Variants in ARID5B observed in about 807,000 individuals in gnomAD.
The protein encoded by ARID5B is AT-rich interaction domain 5B, also known as AT-rich interactive domain-containing protein 5B.
ARID5B carries 13 observed loss-of-function variants against 97.2 expected under a neutral mutation model. The ratio of observed to expected loss-of-function variants is 0.13; its 90% CI spans 0.09 to 0.21. ARID5B has a LOEUF of 0.21. ARID5B is among the 10% of genes least tolerant of loss of function. The pLI, the probability that ARID5B is intolerant of heterozygous loss-of-function variation, is 1.00. For synonymous variants in ARID5B, 556 were observed against 570.3 expected (o/e 0.97, Z 0.36); for missense variants, 1,210 against 1,465.3 (o/e 0.83, Z 2.84).
intron 2 of ARID5B, among the ~76,000 whole-genome samples, chr10:61,922,431 T>G (rs1844032767): frequency 6.6e-6 from 1 of 152,190 alleles, no homozygotes; most frequent in South Asian, 2.1e-4. Context: ...GATGAAACCC[T>G]GTCTGTATTA....
At chr10:62,079,705 C>T (rs779812004) in intron 8 of ARID5B, among the ~76,000 whole-genome samples, 32 of 151,708 alleles carry the variant, frequency 2.1e-4, no homozygotes, top group Non-Finnish European at 4.4e-4. Flanking sequence ...ACACACACTC[C>T]GGGACCATGG....
chr10:61,987,835 C>A (rs1400562796), intron 3 of ARID5B, among the ~76,000 whole-genome samples: 2 of 152,176 alleles, frequency 1.3e-5, no homozygotes, highest in African/African-American at 4.8e-5. Flanking sequence ...ACTGGTAACT[C>A]ATGGTATGAA....
chr10:61,943,083 G>A (rs1009961837), intron 3 of ARID5B, among the ~76,000 whole-genome samples: 4 of 152,180 alleles, frequency 2.6e-5, no homozygotes, highest in Admixed American at 2.6e-4. Flanking sequence ...TAATTGGAAT[G>A]CACACTGTGT....
intron 7 of ARID5B, among the ~76,000 whole-genome samples, chr10:62,063,741 C>T (rs1311983907): frequency 6.6e-6 from 1 of 152,212 alleles, no homozygotes; most frequent in Non-Finnish European, 1.5e-5. Context: ...ATGTACCCAA[C>T]TTTTCCTTCC....
Position 62,092,652 on chromosome 10 carries a change from G to A in ARID5B, c.3189G>A (p.Gly1063=). Residue 1063 remains glycine (G), a synonymous_variant, in exon 10 of 10, where the codon GGG becomes GGA. Transcript: ENST00000279873. Reference sequence around the variant, plus strand: ...AAGCAGCGCACGGTGGGCATTCCGGGGGCGGATCAGAAGGCCACAAGCTTC... The same window carrying A: ...AAGCAGCGCACGGTGGGCATTCCGGAGGCGGATCAGAAGGCCACAAGCTTC... ...GSKAAHGGHS[G]GGSEGHKLPL... 6.2e-7 allele frequency: 1 copy of A among 1,614,078 alleles called. No individual in the cohort carries two copies. Among genetic ancestry groups the A allele is most frequent in the South Asian group, 1.1e-5 (1 of 91,076 alleles).
chr10:62,013,855 T>A (rs1839250835), intron 4 of ARID5B, among the ~76,000 whole-genome samples: 2 of 151,154 alleles, frequency 1.3e-5, no homozygotes, highest in Admixed American at 1.3e-4. Context: ...TATATAATAA[T>A]ACATATTTAT....
intron 3 of ARID5B, among the ~76,000 whole-genome samples, chr10:61,955,784 G>A (rs1838383890): frequency 6.6e-6 from 1 of 152,040 alleles, no homozygotes; most frequent in Non-Finnish European, 1.5e-5. Context: ...TTGAGTAGCT[G>A]GGATTACAAG....
Position 62,091,587 on chromosome 10 carries a change from C to T in ARID5B, c.2124C>T (p.Tyr708=), listed in dbSNP as rs772047937. ...QVSGASLSSS[Y]PYGSPPPLIS... ...GTGGGGCCAGCCTCTCCAGCAGCTA[C>T]CCTTATGGCTCCCCACCCCCTTTGA... is the stretch of plus-strand genomic sequence containing the variant. The change falls in exon 10 of 10, where the codon TAC becomes TAT. Residue 708 remains tyrosine, a synonymous_variant. Coordinates refer to ENST00000279873, the MANE Select transcript of ARID5B (RefSeq NM_032199.3). The T allele has an allele frequency of 1.2e-5, 20 of 1,612,844 alleles. No individual in the cohort carries two copies. The highest frequency in any genetic ancestry group is 1.1e-4 in the East Asian group (5 of 44,872).
Position 62,091,778 on chromosome 10 carries a change from T to C in ARID5B, c.2315T>C (p.Ile772Thr). 6.2e-7 allele frequency: 1 copy of C among 1,614,008 alleles called. No homozygotes were observed. Among genetic ancestry groups the C allele is most frequent in the Non-Finnish European group, 8.5e-7 (1 of 1,180,004 alleles). Residue 772 changes from isoleucine to threonine, a missense_variant, in exon 10 of 10, where the codon ATC (isoleucine) becomes ACC (threonine). By Grantham distance (89) the Ile-to-Thr change is moderately conservative. Around this residue, in one of 8 missense-constraint regions of ARID5B, gnomAD observed 800 missense variants for 839.1 expected, o/e 0.95. Transcript: ENST00000279873. ...GAAGAGAGAAAGACCATCAATGACATCTTTAAGCATGAGAAACTGAGTCGA... is the reference window on the plus strand; with the variant it reads ...GAAGAGAGAAAGACCATCAATGACACCTTTAAGCATGAGAAACTGAGTCGA... The part of the protein sequence containing the change: ...PSEERKTIND[I>T]FKHEKLSRSD...
chr10:61,997,649 A>G (rs981814687), intron 3 of ARID5B, among the ~76,000 whole-genome samples: 2 of 152,182 alleles, frequency 1.3e-5, no homozygotes, highest in Admixed American at 6.5e-5. Context: ...TTTACTATGT[A>G]TGGGAGATGG....
intron 3 of ARID5B, among the ~76,000 whole-genome samples, chr10:61,977,192 C>G (rs573915414): frequency 6.6e-6 from 1 of 152,260 alleles, no homozygotes; most frequent in East Asian, 1.9e-4. Context: ...TGAACTCATC[C>G]TTTTTTATGG....
chr10:61,956,870 A>G (rs1330171906), intron 3 of ARID5B, among the ~76,000 whole-genome samples: 19 of 152,210 alleles, frequency 1.2e-4, no homozygotes, highest in Admixed American at 1.2e-3. Context: ...CAGAAATAAT[A>G]AATTGCTAAC....
In ARID5B at chr10:62,076,561, C is replaced by CAAAAAAAAAAAA. The variant is rs11363274; in HGVS notation, c.1199+6770_1199+6781dup. 3.0e-3 allele frequency among the ~76,000 whole-genome samples: 275 copies of CAAAAAAAAAAAA among 92,484 alleles called. 1 individual carries two copies. Among genetic ancestry groups the CAAAAAAAAAAAA allele is most frequent in the Middle Eastern group, 0.013 (2 of 158 alleles). 60.7% of individuals were successfully genotyped at this position (92,484 alleles called of 152,430 possible). A position where few individuals can be genotyped will look rare whatever the true frequency, so the allele number is the denominator to read the frequency against. Reference sequence around the variant, plus strand: ...TGGGCTACAGAGCGAGACTCTGTCTCAAAAAAAAAAAAAAAAACTACATCT... The same window carrying CAAAAAAAAAAAA: ...TGGGCTACAGAGCGAGACTCTGTCTCAAAAAAAAAAAAAAAAAAAAAAAAAAAAACTACATCT... On this transcript the variant is annotated intron_variant, in intron 8 of 9. Coordinates refer to ENST00000279873, the MANE Select transcript of ARID5B (RefSeq NM_032199.3).
At chr10:62,080,786 C>T (rs559331752) in intron 8 of ARID5B, among the ~76,000 whole-genome samples, 15 of 147,130 alleles carry the variant, frequency 1.0e-4, no homozygotes, top group Admixed American at 4.0e-4. Flanking sequence ...GTTGTTACTA[C>T]AAAAAAAAAG....
At chr10:61,985,874 G>C (rs554089246) in intron 3 of ARID5B, among the ~76,000 whole-genome samples, 1 of 152,062 alleles carries the variant, frequency 6.6e-6, no homozygotes, top group Non-Finnish European at 1.5e-5. Context: ...TTGTGCTGGC[G>C]AGGTGTGTTC....
intron 8 of ARID5B, among the ~76,000 whole-genome samples, chr10:62,072,135 T>C (rs1255576321): frequency 6.6e-6 from 1 of 151,956 alleles, no homozygotes; most frequent in Non-Finnish European, 1.5e-5. Flanking sequence ...AGGTCCCTGG[T>C]AAGAAGGAGT....
At chr10:62,024,560 A>G (rs893836811) in intron 4 of ARID5B, 1 of 371,476 alleles carries the variant, frequency 2.7e-6, no homozygotes, top group South Asian at 1.5e-4. Flanking sequence ...ATGTTTCCTG[A>G]TTGATATTGA....
At chr10:61,988,748 G>A (rs112934127) in intron 3 of ARID5B, among the ~76,000 whole-genome samples, 1,907 of 152,116 alleles carry the variant, frequency 0.013, 38 homozygotes, top group African/African-American at 0.044. Context: ...TTCTTTTCAG[G>A]CAGACGCTCT....
At chr10:61,962,258 A>G (rs1334172517) in intron 3 of ARID5B, among the ~76,000 whole-genome samples, 1 of 152,210 alleles carries the variant, frequency 6.6e-6, no homozygotes, top group Non-Finnish European at 1.5e-5. Flanking sequence ...TTGCCCAAGC[A>G]CTGAGCTTAA....
Sources: allele counts gnomAD v4.1 joint callset (sites outside exome capture counted in the v4.1 genomes callset), GRCh38; gene constraint gnomAD v4.1.1; regional missense constraint gnomAD v4.1.1; transcripts MANE v1.5; gene names NCBI Gene and HGNC (gene_info 2026-07-23, HGNC 2026-07-21).